Variants in USH2A observed in about 807,000 individuals in gnomAD.
USH2A encodes the protein Usher syndrome 2A (autosomal recessive, mild).
A neutral mutation model predicts 538.9 loss-of-function variants in USH2A; 443 were observed. The ratio of observed to expected loss-of-function variants is 0.82; its 90% CI spans 0.76 to 0.89. The LOEUF is 0.89. Among genes scored for constraint, USH2A ranks in the 40% least tolerant of loss-of-function variants. The pLI is 0.00. For missense variants in USH2A, 6,633 were observed against 6,324.8 expected, an observed-to-expected ratio of 1.05 and a Z score of -1.65; for synonymous variants, 2,413 against 2,273.5, an observed-to-expected ratio of 1.06 and a Z score of -1.75.
At chr1:216,219,136 C>G (rs2035403681) in intron 14 of USH2A, among the ~76,000 whole-genome samples, 1 of 152,018 alleles carries the variant, frequency 6.6e-6, no homozygotes, top group South Asian at 2.1e-4. Flanking sequence ...GTAATAGCTT[C>G]CAATGTATAA....
intron 37 of USH2A, 55 bp from the exon 38 acceptor site, chr1:215,934,850 C>G: frequency 6.7e-7 from 1 of 1,485,904 alleles, no homozygotes; most frequent in African/African-American, 1.4e-5. Context: ...TTCATTCCTG[C>G]TATTATTTGA....
At chr1:215,886,418 A>T (rs1423103798) in intron 41 of USH2A, among the ~76,000 whole-genome samples, 2 of 152,230 alleles carry the variant, frequency 1.3e-5, no homozygotes, top group African/African-American at 4.8e-5. Flanking sequence ...AAGGACAGAT[A>T]TGTTATCTTA....
chr1:215,829,535 C>G (rs796434345), intron 47 of USH2A, among the ~76,000 whole-genome samples: 20 of 152,234 alleles, frequency 1.3e-4, no homozygotes, highest in African/African-American at 4.8e-4. Context: ...ACCCCGTCTG[C>G]TGATGTTTTT....
chr1:215,983,309 G>A (rs1667795442), intron 35 of USH2A, among the ~76,000 whole-genome samples: 1 of 152,134 alleles, frequency 6.6e-6, no homozygotes, highest in Non-Finnish European at 1.5e-5. Context: ...ACTTCATCAA[G>A]AGGAAGATGT....
rs540196653 is a variant in USH2A, at chr1:215,758,574, A to C, written c.11389+21T>G. 1.9e-6 allele frequency: 3 copies of C among 1,604,346 alleles called. No individual in the cohort carries two copies. In the African/African-American group the frequency reaches 4.0e-5, roughly 22 times the overall value. ...TTAAAATGTTTACACACACACACAC[A>C]TACTTCTTTTTTTTTTTTACCTGGT... On this transcript the variant is annotated intron_variant, in intron 58 of 71. Transcript: ENST00000307340.
At chr1:215,809,925 T>C (rs2102789540) in intron 49 of USH2A, among the ~76,000 whole-genome samples, 1 of 152,290 alleles carries the variant, frequency 6.6e-6, no homozygotes, top group African/African-American at 2.4e-5. Context: ...CATTGCGCTT[T>C]TTTCCCCCTC....
chr1:216,239,780 G>A (rs1472958490), intron 13 of USH2A, among the ~76,000 whole-genome samples: 1 of 152,082 alleles, frequency 6.6e-6, no homozygotes, highest in Non-Finnish European at 1.5e-5. Context: ...CCTGGCTGGT[G>A]TAAGTAAGGG....
intron 64 of USH2A, among the ~76,000 whole-genome samples, chr1:215,654,171 A>G (rs193231272): frequency 6.6e-6 from 1 of 152,110 alleles, no homozygotes; most frequent in East Asian, 1.9e-4. Flanking sequence ...GAACATATAT[A>G]TATTTTTTTA....
chr1:215,909,527 A>G (rs1430513866), intron 38 of USH2A, among the ~76,000 whole-genome samples: 2 of 151,974 alleles, frequency 1.3e-5, no homozygotes, highest in Non-Finnish European at 2.9e-5. Context: ...TGTGGAGGCA[A>G]GGATAAATGG....
intron 61 of USH2A, among the ~76,000 whole-genome samples, chr1:215,695,390 T>C (rs964382701): frequency 9.2e-5 from 14 of 152,200 alleles, no homozygotes; most frequent in African/African-American, 3.4e-4. Context: ...GCATGAGATA[T>C]GATTATTAAC....
chr1:216,105,893 T>C (rs2102581109), intron 21 of USH2A, among the ~76,000 whole-genome samples: 1 of 151,988 alleles, frequency 6.6e-6, no homozygotes, highest in East Asian at 1.9e-4. Flanking sequence ...AAATTGTTTA[T>C]TGCTAGTATG....
chr1:215,625,742 CCTTGCATTCCAGGGTTACGT>C lies in USH2A; in HGVS notation c.*19_*38del. 6.3e-7 allele frequency: 1 copy of C among 1,594,650 alleles called. No individual in the cohort carries two copies. The highest frequency in any genetic ancestry group is 8.6e-7 in the Non-Finnish European group (1 of 1,162,398). On this transcript the variant is annotated 3_prime_UTR_variant, in exon 72 of 72. Coordinates refer to ENST00000307340, the MANE Select transcript of USH2A (RefSeq NM_206933.4). ...TAACCCAGGAGGAAATGGGTGCAGA[CCTTGCATTCCAGGGTTACGT>C]CTTCTGGGTTTCCATCCTTTACAGG...
At chr1:216,048,948 A>G (rs1478640843) in intron 30 of USH2A, among the ~76,000 whole-genome samples, 1 of 152,222 alleles carries the variant, frequency 6.6e-6, no homozygotes, top group Non-Finnish European at 1.5e-5. Flanking sequence ...CGTGAGGCAG[A>G]GCACAATGTT....
rs10779261 is a variant in USH2A, at chr1:216,421,964, C to T, written c.373G>A (p.Ala125Thr). Residue 125 changes from alanine (A) to threonine (T), a missense_variant, in exon 2 of 72, where the codon GCA becomes ACA. By Grantham distance (58) the Ala-to-Thr change is moderately conservative. Coordinates refer to ENST00000307340, the MANE Select transcript of USH2A (RefSeq NM_206933.4). Reference sequence around the variant, plus strand: ...TTGTGATTTCCAAAAATAAAACTTGCAGAATTGCTATGGGCGTTAGGATGC... The same window carrying T: ...TTGTGATTTCCAAAAATAAAACTTGTAGAATTGCTATGGGCGTTAGGATGC... ...DLHPNAHSNS[A>T]SFIFGNHKSC... is the part of the protein sequence containing the mutation. 0.72 allele frequency: 1,161,055 copies of T among 1,613,698 alleles called. 418,913 individuals are homozygous for T. The highest frequency in any genetic ancestry group is 0.84 in the East Asian group (37,857 of 44,852).
At chr1:215,790,747 C>T (rs539160285) in intron 50 of USH2A, among the ~76,000 whole-genome samples, 119 of 152,300 alleles carry the variant, frequency 7.8e-4, no homozygotes, top group African/African-American at 2.7e-3. Flanking sequence ...ACTGGAAGCC[C>T]TGCGGGAGAA....
chr1:215,709,230 G>A (rs1377661074), intron 61 of USH2A, among the ~76,000 whole-genome samples: 1 of 152,040 alleles, frequency 6.6e-6, no homozygotes, highest in Non-Finnish European at 1.5e-5. Flanking sequence ...GATAGTAGTT[G>A]CTCATAATAA....
At position 215,888,984 on chromosome 1, in the gene USH2A, A is replaced by T. The variant is rs780148676; in HGVS notation, c.7665T>A (p.His2555Gln). 1.2e-6 allele frequency: 2 copies of T among 1,613,992 alleles called. No individual in the cohort carries two copies. The highest frequency in any genetic ancestry group is 2.7e-5 in the African/African-American group (2 of 74,918). ...TAATAACCCCATTGGATTTTCTAGG[A>T]TGCTGCCAGGTGACCAACATCATTC... ...KSRMMLVTWQHPRKSNGVITH... is the reference protein window; with the variant it reads ...KSRMMLVTWQQPRKSNGVITH... Residue 2555 changes from histidine to glutamine, a missense_variant, in exon 41 of 72, where the codon CAT becomes CAA. His to Gln is a conservative substitution (Grantham distance 24). Transcript: ENST00000307340.
At chr1:216,152,258 G>A (rs543915042) in intron 21 of USH2A, among the ~76,000 whole-genome samples, 4 of 152,290 alleles carry the variant, frequency 2.6e-5, no homozygotes, top group Admixed American at 1.3e-4. Context: ...TGACCTGCAC[G>A]TATACGCCCA....
intron 49 of USH2A, among the ~76,000 whole-genome samples, chr1:215,812,062 G>A (rs1207719331): frequency 2.6e-5 from 3 of 117,464 alleles, no homozygotes; most frequent in Admixed American, 1.2e-4. Flanking sequence ...TCGGCTCACC[G>A]CAACCTCTGC....
Sources: allele counts gnomAD v4.1 joint callset (sites outside exome capture counted in the v4.1 genomes callset), GRCh38; gene constraint gnomAD v4.1.1; transcripts MANE v1.5; gene names NCBI Gene and HGNC (gene_info 2026-07-23, HGNC 2026-07-21).